The following PYHIN1 variants were observed in gnomAD, a reference collection of about 807,000 sequenced individuals.
PYHIN1 encodes pyrin and HIN domain-containing protein 1.
In PYHIN1, 32 loss-of-function variants were observed where a neutral mutation model predicts 43.7. The ratio of observed to expected loss-of-function variants is 0.73; its 90% confidence interval spans 0.55 to 0.98. The LOEUF (loss-of-function observed/expected upper bound fraction) is 0.98, where lower values mean the gene tolerates loss of function less well. PYHIN1 is among the 50% of genes least tolerant of loss of function. PYHIN1 has a pLI of 0.00. For missense variants in PYHIN1, 588 were observed against 589.5 expected (o/e 1.00, Z 0.03); for synonymous variants, 205 against 203.1 (o/e 1.01, Z -0.08).
At chr1:158,956,372 G>A (rs902307580) in intron 7 of PYHIN1, among the ~76,000 whole-genome samples, 38 of 152,150 alleles carry the variant, frequency 2.5e-4, no homozygotes, top group African/African-American at 7.2e-4. Context: ...CTGGCAAAAC[G>A]AATCCAGCAG....
At chr1:158,970,644 A>G (rs1287807615) in intron 7 of PYHIN1, among the ~76,000 whole-genome samples, 1 of 151,998 alleles carries the variant, frequency 6.6e-6, no homozygotes, top group East Asian at 1.9e-4. Flanking sequence ...AGCTTATTTA[A>G]TATTTTACCC....
At chr1:158,970,148 T>G (rs186839697) in intron 7 of PYHIN1, among the ~76,000 whole-genome samples, 1 of 152,022 alleles carries the variant, frequency 6.6e-6, no homozygotes, top group Admixed American at 6.6e-5. Context: ...GCATGAGTCA[T>G]GATCAGGGAT....
chr1:158,971,763 T>A (rs1302035179), intron 7 of PYHIN1, among the ~76,000 whole-genome samples: 1 of 151,828 alleles, frequency 6.6e-6, no homozygotes, highest in African/African-American at 2.4e-5. Context: ...CAAAAATAAC[T>A]CCAGCAGAGG....
intron 7 of PYHIN1, among the ~76,000 whole-genome samples, chr1:158,964,403 C>CATAT (rs1650498571): frequency 6.6e-6 from 1 of 152,054 alleles, no homozygotes; most frequent in Non-Finnish European, 1.5e-5. Context: ...CACAAAAAGA[C>CATAT]CATCCCCAAG....
intron 7 of PYHIN1, among the ~76,000 whole-genome samples, chr1:158,971,088 A>T (rs188483423): frequency 3.3e-4 from 50 of 152,116 alleles, no homozygotes; most frequent in African/African-American, 1.2e-3. Context: ...TGAATTTTAC[A>T]TTTGTTTTTA....
intron 3 of PYHIN1, 150 bp downstream of exon 3, chr1:158,938,692 T>G: frequency 1.4e-6 from 1 of 725,594 alleles, no homozygotes; most frequent in Non-Finnish European, 2.1e-6. Flanking sequence ...TTGATCATCT[T>G]TCTGCAAGGC....
rs761830753 is a variant in PYHIN1, at chr1:158,938,534, G to A, written c.403G>A (p.Gly135Arg). The A allele has an allele frequency of 6.2e-7, 1 of 1,614,082 alleles. No homozygotes were observed. Among genetic ancestry groups the A allele is most frequent in the Non-Finnish European group, 8.5e-7 (1 of 1,179,982 alleles). Reference protein sequence around the residue: ...LTAKGAEETLGPQKRKKPSEE... With the variant: ...LTAKGAEETLRPQKRKKPSEE... ...AGCTAAAGGAGCAGAGGAGACTCTTGGACCTCAGGTAAGCTTCAGGAAGAG... is the reference window on the plus strand; with the variant it reads ...AGCTAAAGGAGCAGAGGAGACTCTTAGACCTCAGGTAAGCTTCAGGAAGAG... The change falls in exon 3 of 9, where the codon GGA becomes AGA. Residue 135 changes from glycine to arginine, a missense_variant. Physicochemically the swap from Gly to Arg is moderately radical, Grantham distance 125 (BLOSUM62 -2). Transcript: ENST00000368140.
intron 7 of PYHIN1, among the ~76,000 whole-genome samples, chr1:158,965,069 A>T (rs1275779884): frequency 2.0e-5 from 3 of 152,214 alleles, no homozygotes; most frequent in Non-Finnish European, 4.4e-5. Context: ...GAAAGCAGAA[A>T]AAAAAAACAG....
chr1:158,942,180 G>A lies in PYHIN1; in HGVS notation c.783G>A (p.Arg261=). 1 of 1,613,990 alleles carries A rather than the reference G, an allele frequency of 6.2e-7. No individual in the cohort carries two copies. Reference sequence around the variant, plus strand: ...AGGTTTTAAACATCAACTTGAAGAGGAAATTCATTAAAAAGAGAATCATCA... The same window carrying A: ...AGGTTTTAAACATCAACTTGAAGAGAAAATTCATTAAAAAGAGAATCATCA... ...HVKVLNINLK[R]KFIKKRIIII... is the part of the protein sequence containing the mutation. The change falls in exon 5 of 9, where the codon AGG becomes AGA. Residue 261 remains arginine, a synonymous_variant. Transcript: ENST00000368140.
Position 158,936,872 on chromosome 1 carries a change from T to C in PYHIN1, c.-20-19T>C, listed in dbSNP as rs370290765. On this transcript the variant is annotated intron_variant, in intron 1 of 8. Coordinates refer to ENST00000368140, the MANE Select transcript of PYHIN1 (RefSeq NM_152501.5). ...CTCTGTATACATGTGTAACACTATA[T>C]ACCATTTTTCTCTTGCAGGCTCACT... is the stretch of plus-strand genomic sequence containing the variant. 3.3e-5 allele frequency: 50 copies of C among 1,508,908 alleles called. No homozygotes were observed. The African/African-American group carries it at 6.4e-4, about 19-fold the overall frequency. 93.5% of individuals were successfully genotyped at this position (1,508,908 alleles called of 1,614,324 possible). A position where few individuals can be genotyped will look rare whatever the true frequency, so the allele number is the denominator to read the frequency against.
the PYHIN1 span, among the ~76,000 whole-genome samples, chr1:158,985,234 G>C: frequency 2.6e-5 from 4 of 152,108 alleles, no homozygotes; most frequent in Non-Finnish European, 5.9e-5. Context: ...TGATTGTATA[G>C]TTGCATATTG....
chr1:158,981,971 C>T (rs1157692431), downstream of PYHIN1, among the ~76,000 whole-genome samples: 3 of 152,134 alleles, frequency 2.0e-5, no homozygotes, highest in Non-Finnish European at 4.4e-5. Flanking sequence ...TGGCTTTTAA[C>T]CATTTTTAAT....
chr1:158,955,583 T>C (rs1373100657), intron 7 of PYHIN1, among the ~76,000 whole-genome samples: 3 of 145,600 alleles, frequency 2.1e-5, no homozygotes, highest in East Asian at 4.0e-4. Flanking sequence ...TACCAGAATC[T>C]CTGGGACGCA....
At chr1:158,974,009 T>C (rs1633296) in intron 8 of PYHIN1, among the ~76,000 whole-genome samples, 139,706 of 152,056 alleles carry the variant, frequency 0.92, 65,351 homozygotes, top group East Asian at 1. Context: ...TGTTTTTCAT[T>C]GGTGCAAATA....
At chr1:158,989,950 C>T in the PYHIN1 span, among the ~76,000 whole-genome samples, 3 of 151,826 alleles carry the variant, frequency 2.0e-5, no homozygotes, top group South Asian at 4.2e-4. Flanking sequence ...TTAGTTTCCT[C>T]TTTTATCTAC....
intron 4 of PYHIN1, among the ~76,000 whole-genome samples, chr1:158,940,743 G>GA (rs1205845401): frequency 6.6e-6 from 1 of 151,794 alleles, no homozygotes; most frequent in African/African-American, 2.4e-5. Flanking sequence ...GACTATTTCA[G>GA]AAAAAAAGGA....
intron 7 of PYHIN1, among the ~76,000 whole-genome samples, chr1:158,951,136 G>A (rs1464786655): frequency 2.0e-5 from 3 of 152,116 alleles, no homozygotes. Flanking sequence ...GGGCATTGTA[G>A]GATAATTTGT....
chr1:158,958,962 T>C (rs951832339), intron 7 of PYHIN1, among the ~76,000 whole-genome samples: 1 of 151,630 alleles, frequency 6.6e-6, no homozygotes, highest in Non-Finnish European at 1.5e-5. Context: ...ATATACTGTT[T>C]CTGTTGAGCT....
intron 5 of PYHIN1, among the ~76,000 whole-genome samples, chr1:158,942,767 T>G (rs1648995082): frequency 2.0e-5 from 3 of 152,170 alleles, no homozygotes; most frequent in Non-Finnish European, 2.9e-5. Context: ...GTAGCAAAAA[T>G]CACATTGTTT....
Sources: gnomAD v4.1 joint callset for allele counts (sites outside exome capture counted in the v4.1 genomes callset) on GRCh38, gnomAD v4.1.1 for gene constraint, MANE v1.5 for transcripts, NCBI Gene and HGNC (gene_info 2026-07-23, HGNC 2026-07-21) for gene names.